The following SLC38A8 variants were observed in gnomAD, a reference collection of about 807,000 sequenced individuals.
The protein encoded by SLC38A8 is amino acid transporter SLC38A8.
A neutral mutation model predicts 46.0 loss-of-function variants in SLC38A8; 65 were observed. The ratio of observed to expected loss-of-function variants is 1.41; its 90% CI spans 1.16 to 1.74. SLC38A8 has a LOEUF of 1.74. Ranked by LOEUF, SLC38A8 falls within the 40% of genes most tolerant of loss-of-function variation. SLC38A8 has a pLI of 0.00. For missense variants in SLC38A8, 998 were observed against 567.9 expected, an observed-to-expected ratio of 1.76 and a Z score of -7.70; for synonymous variants, 447 against 243.7, an observed-to-expected ratio of 1.83 and a Z score of -7.77.
chr16:84,016,177 T>A (rs1222155062), intron 9 of SLC38A8, among the ~76,000 whole-genome samples: 1 of 152,204 alleles, frequency 6.6e-6, no homozygotes, highest in African/African-American at 2.4e-5. Context: ...TGAGACTTAT[T>A]CACTACCACA....
intron 9 of SLC38A8, among the ~76,000 whole-genome samples, 166 bp downstream of exon 9, chr16:84,016,353 C>G (rs1194772131): frequency 1.3e-5 from 2 of 152,156 alleles, no homozygotes; most frequent in African/African-American, 4.8e-5. Context: ...GTATGTAAAG[C>G]CCAAGCCTGT....
At chr16:84,023,694 G>C (rs2085124456) in intron 6 of SLC38A8, among the ~76,000 whole-genome samples, 1 of 152,160 alleles carries the variant, frequency 6.6e-6, no homozygotes, top group South Asian at 2.1e-4. Context: ...AGGAGTTTGA[G>C]ACCAGCCTGG....
chr16:84,017,749 G>A (rs7191340), intron 7 of SLC38A8, among the ~76,000 whole-genome samples: 16,151 of 152,206 alleles, frequency 0.11, 889 homozygotes, highest in East Asian at 0.13. Context: ...GGACAAGAGC[G>A]CCATTCCCTT....
upstream of SLC38A8, among the ~76,000 whole-genome samples, chr16:84,043,072 T>G (rs1451524326): frequency 1.3e-5 from 2 of 152,078 alleles, no homozygotes; most frequent in African/African-American, 2.4e-5. Flanking sequence ...CAGAACAGGC[T>G]CCACCGTCCG....
At chr16:84,013,434 T>TG (rs1369192369) in intron 9 of SLC38A8, among the ~76,000 whole-genome samples, 26 of 126,974 alleles carry the variant, frequency 2.0e-4, no homozygotes, top group Non-Finnish European at 3.1e-4. Flanking sequence ...GTTTTTTTTT[T>TG]TTTTTTTTTT....
chr16:84,033,239 C>T, intron 4 of SLC38A8, 89 bp downstream of exon 4: 1 of 1,567,308 alleles, frequency 6.4e-7, no homozygotes. Flanking sequence ...GGCCAATTCC[C>T]CAGCTCCTCT....
Position 84,013,391 on chromosome 16 carries a change from G to A in SLC38A8, c.1163-339C>T, listed in dbSNP as rs16962523. On this transcript the variant is annotated intron_variant, in intron 9 of 10. Coordinates refer to ENST00000299709, the MANE Select transcript of SLC38A8 (RefSeq NM_001080442.3). ...ACACCCGGGAAGTGCTCGGCAACTG[G>A]CAGCTACCATTACTTTCTTTTGTTG... 9.9e-3 allele frequency among the ~76,000 whole-genome samples: 1,488 copies of A among 150,124 alleles called. 21 individuals are homozygous for A. Among genetic ancestry groups the A allele is most frequent in the African/African-American group, 0.035 (1,404 of 40,522 alleles).
intron 7 of SLC38A8, among the ~76,000 whole-genome samples, chr16:84,020,850 A>G (rs1047962039): frequency 1.3e-5 from 2 of 152,272 alleles, no homozygotes; most frequent in East Asian, 1.9e-4. Flanking sequence ...CAGGGCCACA[A>G]CCTTGGTTTC....
In SLC38A8 at chr16:84,033,854, T is replaced by A. The variant is rs547720696; in HGVS notation, c.389-385A>T. 5.3e-5 allele frequency among the ~76,000 whole-genome samples: 8 copies of A among 152,340 alleles called. No homozygotes were observed. The East Asian group carries it at 1.5e-3, about 29-fold the overall frequency. On this transcript the variant is annotated intron_variant, in intron 3 of 10. Transcript: ENST00000299709. ...GCCTGAAGTCGATTTTTGGCCACCG[T>A]GCCGTCAGCAACAGGCTGCTGTGCA...
At chr16:84,033,828 G>A (rs527375820) in intron 3 of SLC38A8, among the ~76,000 whole-genome samples, 21 of 152,272 alleles carry the variant, frequency 1.4e-4, no homozygotes, top group African/African-American at 2.9e-4. Flanking sequence ...GTCAAATGGG[G>A]GCCTGAAGTC....
chr16:84,016,448 C>T (rs2085026272), intron 9 of SLC38A8, 71 bp downstream of exon 9: 1 of 1,544,546 alleles, frequency 6.5e-7, no homozygotes. Context: ...TGACCTCCAA[C>T]ACTGGGAGTC....
chr16:84,042,174 G>A lies in SLC38A8; in HGVS notation c.-2-15C>T. On this transcript the variant is annotated splice_polypyrimidine_tract_variant and intron_variant, in intron 1 of 10. Transcript: ENST00000299709. ...TCCCTCCATGGCTAGAGGCGGCAGA[G>A]GGGTGGAGAGAAAGCACAGTCTTCA... 6.3e-7 allele frequency: 1 copy of A among 1,597,088 alleles called. No homozygotes were observed. Among genetic ancestry groups the A allele is most frequent in the Non-Finnish European group, 8.5e-7 (1 of 1,173,094 alleles).
chr16:84,042,061 G>C lies in SLC38A8; in HGVS notation c.97C>G (p.Leu33Val), dbSNP rs753420241. The C allele has an allele frequency of 1.2e-6, 2 of 1,614,036 alleles. No individual in the cohort carries two copies. The highest frequency in any genetic ancestry group is 1.3e-5 in the African/African-American group (1 of 75,034). Residue 33 changes from leucine (L) to valine (V), a missense_variant, in exon 2 of 11, where the codon CTC becomes GTC. Leu to Val is a conservative substitution (Grantham distance 32). Transcript: ENST00000299709. ...CCAGCTCCCAGCGCGGACTTCATGA[G>C]GATGAAGACAGCGCCCATCGAGGAC... ...TLSSMGAVFI[L>V]MKSALGAGLL...
In SLC38A8 at chr16:84,014,588, C is replaced by G. The variant is rs140326964; in HGVS notation, c.1163-1536G>C. Among the ~76,000 whole-genome samples, 113 of 151,894 alleles carry G rather than the reference C, an allele frequency of 7.4e-4. 1 individual carries two copies. The highest frequency in any genetic ancestry group is 1.4e-3 in the Admixed American group (21 of 15,258). On this transcript the variant is annotated intron_variant, in intron 9 of 10. Coordinates refer to ENST00000299709, the MANE Select transcript of SLC38A8 (RefSeq NM_001080442.3). ...CACCCAGAACCTGAGGGAGGAGCCA[C>G]ATGGCCACTCCCCTCACCTCTGAGA...
intron 9 of SLC38A8, among the ~76,000 whole-genome samples, chr16:84,014,768 C>T (rs559022449): frequency 1.3e-5 from 2 of 152,344 alleles, no homozygotes; most frequent in South Asian, 4.1e-4. Flanking sequence ...TCAAAGACAA[C>T]CCCTGAATCT....
chr16:84,029,388 T>C (rs1156349719), intron 6 of SLC38A8, 106 bp downstream of exon 6: 39 of 1,188,768 alleles, frequency 3.3e-5, no homozygotes, highest in Non-Finnish European at 4.4e-5. Flanking sequence ...CTAGGAGAAG[T>C]CCTCAGACGC....
chr16:84,012,104 T>G (rs757560508), intron 10 of SLC38A8, among the ~76,000 whole-genome samples: 3 of 152,164 alleles, frequency 2.0e-5, no homozygotes, highest in Admixed American at 6.6e-5. Flanking sequence ...TTCTGTTGCT[T>G]TAAGCCTCCC....
chr16:84,015,778 T>C (rs938295432), intron 9 of SLC38A8, among the ~76,000 whole-genome samples: 2 of 152,176 alleles, frequency 1.3e-5, no homozygotes, highest in Non-Finnish European at 2.9e-5. Context: ...CAATCTTGGC[T>C]CCCTGCAACC....
At chr16:84,021,787 G>A (rs2085099042) in intron 7 of SLC38A8, among the ~76,000 whole-genome samples, 1 of 152,212 alleles carries the variant, frequency 6.6e-6, no homozygotes, top group Admixed American at 6.5e-5. Context: ...TATACAGAAA[G>A]GAAATTTTTT....
Sources: gnomAD v4.1 joint callset for allele counts (sites outside exome capture counted in the v4.1 genomes callset) on GRCh38, gnomAD v4.1.1 for gene constraint, MANE v1.5 for transcripts, NCBI Gene and HGNC (gene_info 2026-07-23, HGNC 2026-07-21) for gene names.